Variants in EIF4G3 observed in about 807,000 individuals in gnomAD.
EIF4G3 encodes the protein eukaryotic translation initiation factor 4 gamma 3.
Under a neutral mutation model 186.4 loss-of-function variants are expected in EIF4G3, and 34 were observed. That is an observed-to-expected ratio of 0.18 (90% confidence interval 0.14 to 0.24). The LOEUF (loss-of-function observed/expected upper bound fraction) is 0.24, where lower values mean the gene tolerates loss of function less well. Ranked by LOEUF, EIF4G3 falls within the 10% of genes least tolerant of loss-of-function variation. EIF4G3 has a pLI of 1.00. For synonymous variants in EIF4G3, 673 were observed against 679.5 expected (o/e 0.99, Z 0.15); for missense variants, 1,536 against 1,948.5 (o/e 0.79, Z 3.99).
rs1420444941 is a variant in EIF4G3 at position 21,088,376 on chromosome 1, C to T, written c.-196+762G>A. Among the ~76,000 whole-genome samples, 6 of 151,950 alleles carry T rather than the reference C, an allele frequency of 3.9e-5. No individual in the cohort carries two copies. The East Asian group carries it at 1.2e-3, about 30-fold the overall frequency. ...CAGAGGTTGCAGTGAGCTGAGATCA[C>T]ACCGTTACATTCCAGCCTGGCAACA... is the stretch of plus-strand genomic sequence containing the variant. On this transcript the variant is annotated intron_variant, in intron 3 of 36. Transcript: ENST00000602326.
rs532632179 is a variant in EIF4G3, at chr1:21,030,185, G to C, written c.-67+20681C>G. ...CACTGGGCTGGTTGGAGAAATTTTA[G>C]ACTTCAAGAATTCAAAGGCAGAGCA... On this transcript the variant is annotated intron_variant, in intron 4 of 36. Coordinates refer to ENST00000602326, the MANE Select transcript of EIF4G3 (RefSeq NM_001391906.1). Among the ~76,000 whole-genome samples, 3 of 152,262 alleles carry C rather than the reference G, an allele frequency of 2.0e-5. No homozygotes were observed. In the East Asian group the frequency reaches 5.8e-4, roughly 29 times the overall value.
intron 17 of EIF4G3, among the ~76,000 whole-genome samples, chr1:20,894,187 T>C (rs988837864): frequency 5.9e-5 from 9 of 152,176 alleles, no homozygotes; most frequent in Non-Finnish European, 1.0e-4. Context: ...TGACTTTGAA[T>C]AAGCATGTAA....
chr1:21,044,752 A>T (rs1452243406), intron 4 of EIF4G3, among the ~76,000 whole-genome samples: 2 of 151,042 alleles, frequency 1.3e-5, no homozygotes, highest in African/African-American at 4.9e-5. Context: ...GTCTCAAGCG[A>T]TCCTCTCACC....
intron 2 of EIF4G3, among the ~76,000 whole-genome samples, chr1:21,099,896 A>T (rs1306166816): frequency 6.6e-6 from 1 of 152,208 alleles, no homozygotes; most frequent in Non-Finnish European, 1.5e-5. Flanking sequence ...AATAAAAAGC[A>T]TGTCCATGTA....
chr1:20,986,869 C>T (rs1387819463), intron 7 of EIF4G3, among the ~76,000 whole-genome samples: 1 of 151,562 alleles, frequency 6.6e-6, no homozygotes, highest in Non-Finnish European at 1.5e-5. Context: ...TAAAATTCAC[C>T]TCCTAAACTT....
At chr1:20,870,873 T>G (rs542192024) in intron 20 of EIF4G3, among the ~76,000 whole-genome samples, 8 of 151,996 alleles carry the variant, frequency 5.3e-5, no homozygotes, top group African/African-American at 1.9e-4. Flanking sequence ...AGAGGTGGAG[T>G]TGACCATGTC....
chr1:21,035,788 C>T (rs569782756), intron 4 of EIF4G3, among the ~76,000 whole-genome samples: 586 of 152,322 alleles, frequency 3.8e-3, no homozygotes, highest in Non-Finnish European at 4.7e-3. Context: ...CTCAGTGAGG[C>T]CCCACCTTTT....
chr1:20,943,974 T>TTGTGTG lies in EIF4G3; in HGVS notation c.824-1650_824-1645dup, dbSNP rs1163268356. ...TCAGGAAAACTTGTCTTTATTTTTT[T>TTGTGTG]TGTGTGTGTGTGTGTGTGTGTGTGT... is the stretch of plus-strand genomic sequence containing the variant. On this transcript the variant is annotated intron_variant, in intron 13 of 36. Coordinates refer to ENST00000602326, the MANE Select transcript of EIF4G3 (RefSeq NM_001391906.1). Among the ~76,000 whole-genome samples the TTGTGTG allele has an allele frequency of 1.5e-3, 91 of 62,506 alleles. 1 individual carries two copies. Among genetic ancestry groups the TTGTGTG allele is most frequent in the African/African-American group, 4.8e-3 (88 of 18,266 alleles). 41.0% of individuals were successfully genotyped at this position (62,506 alleles called of 152,430 possible).
chr1:20,974,844 C>T (rs1365718436), intron 10 of EIF4G3, among the ~76,000 whole-genome samples: 1 of 152,056 alleles, frequency 6.6e-6, no homozygotes, highest in Non-Finnish European at 1.5e-5. Context: ...AAAAGATTGG[C>T]TTTCCATAGA....
chr1:20,920,677 G>A (rs1363995608), intron 14 of EIF4G3, among the ~76,000 whole-genome samples: 3 of 152,036 alleles, frequency 2.0e-5, no homozygotes, highest in Non-Finnish European at 4.4e-5. Context: ...CTGATCAGAA[G>A]CTACCTGATT....
intron 4 of EIF4G3, among the ~76,000 whole-genome samples, chr1:21,009,160 A>G (rs2086207610): frequency 6.6e-6 from 1 of 152,122 alleles, no homozygotes; most frequent in African/African-American, 2.4e-5. Flanking sequence ...CTTTATGCAT[A>G]TATAAGTGTG....
intron 4 of EIF4G3, among the ~76,000 whole-genome samples, chr1:21,023,512 G>A (rs941339089): frequency 7.2e-5 from 11 of 151,970 alleles, no homozygotes; most frequent in African/African-American, 4.8e-5. Context: ...CGCCAGCCTC[G>A]GCCTCCCGAG....
intron 14 of EIF4G3, among the ~76,000 whole-genome samples, chr1:20,934,720 T>C (rs1358798980): frequency 6.6e-6 from 1 of 152,092 alleles, no homozygotes; most frequent in Admixed American, 6.6e-5. Context: ...TGGAGTTTAA[T>C]AGACAAAGTA....
chr1:20,819,605 G>A (rs932369679), intron 33 of EIF4G3, among the ~76,000 whole-genome samples: 1 of 152,130 alleles, frequency 6.6e-6, no homozygotes, highest in African/African-American at 2.4e-5. Flanking sequence ...AATACTGCGT[G>A]TTCTCACTTA....
At chr1:20,941,287 T>G in intron 14 of EIF4G3, 1 of 1,552,144 alleles carries the variant, frequency 6.4e-7, no homozygotes, top group South Asian at 1.2e-5. Context: ...ATTTGGAAAT[T>G]CTCATTTGCA....
intron 2 of EIF4G3, among the ~76,000 whole-genome samples, chr1:21,116,315 A>G (rs887304802): frequency 3.9e-5 from 6 of 152,170 alleles, no homozygotes; most frequent in Admixed American, 3.3e-4. Context: ...TTAGTATATC[A>G]GCTTGTTTAA....
rs555120535 is a variant in EIF4G3 at position 20,933,126 on chromosome 1, A to G, written c.1663+8365T>C. 3.3e-5 allele frequency among the ~76,000 whole-genome samples: 5 copies of G among 152,308 alleles called. No individual in the cohort carries two copies. In the South Asian group the frequency reaches 8.3e-4, roughly 25 times the overall value. On this transcript the variant is annotated intron_variant, in intron 14 of 36. Transcript: ENST00000602326. The stretch of plus-strand genomic sequence containing the variant: ...AGAAGTTTAGAGTTCATCTTGCAGG[A>G]TATTTCCCCCAATCCTTCACAGCAT...
At chr1:21,174,847 A>G (rs946011298) in intron 2 of EIF4G3, 2 of 152,194 alleles carry the variant, frequency 1.3e-5, no homozygotes, top group Non-Finnish European at 2.9e-5. Flanking sequence ...TTATCTTTAC[A>G]CTGCACCGCG....
At chr1:21,076,966 T>C (rs2095607802) in intron 3 of EIF4G3, among the ~76,000 whole-genome samples, 1 of 152,172 alleles carries the variant, frequency 6.6e-6, no homozygotes, top group Non-Finnish European at 1.5e-5. Context: ...AAAAAGTTTC[T>C]GCAAATTTAA....
Sources: gnomAD v4.1 joint callset for allele counts (sites outside exome capture counted in the v4.1 genomes callset) on GRCh38, gnomAD v4.1.1 for gene constraint, MANE v1.5 for transcripts, NCBI Gene and HGNC (gene_info 2026-07-23, HGNC 2026-07-21) for gene names.